Variants in FOXJ3 observed in about 807,000 individuals in gnomAD.
The protein encoded by FOXJ3 is forkhead box J3.
Under a neutral mutation model 76.1 loss-of-function variants are expected in FOXJ3, and 22 were observed. The ratio of observed to expected loss-of-function variants is 0.29; its 90% CI spans 0.21 to 0.41. The LOEUF (loss-of-function observed/expected upper bound fraction) is 0.41. Among genes scored for constraint, FOXJ3 ranks in the 10% least tolerant of loss-of-function variants. The probability of loss-of-function intolerance (pLI) is 1.00; values close to 1 mark genes in which losing one functional copy is unlikely to be tolerated. For synonymous variants in FOXJ3, 269 were observed against 261.2 expected, an observed-to-expected ratio of 1.03 and a Z score of -0.29; for missense variants, 613 against 762.1, an observed-to-expected ratio of 0.80 and a Z score of 2.30.
At chr1:42,279,661 T>C in intron 2 of FOXJ3, among the ~76,000 whole-genome samples, 1 of 152,148 alleles carries the variant, frequency 6.6e-6, no homozygotes, top group East Asian at 1.9e-4. Context: ...GGCTTGACAC[T>C]TCACATTGGA....
intron 4 of FOXJ3, among the ~76,000 whole-genome samples, chr1:42,237,823 T>C (rs868552679): frequency 1.3e-5 from 2 of 151,976 alleles, no homozygotes; most frequent in South Asian, 2.1e-4. Context: ...TAAGGAGCAA[T>C]ATTAATTTTT....
At chr1:42,183,319 AGGGGAGGGGAGGGGAGG>A (rs1646365745) in intron 11 of FOXJ3, among the ~76,000 whole-genome samples, 1 of 124 alleles carries the variant, frequency 8.1e-3, no homozygotes, top group Non-Finnish European at 0.019. Context: ...GGGGGAGGGG[AGGGGAGGGGAGGGGAGG>A]GGAGGGGAGG....
chr1:42,257,266 A>G (rs1650666525), intron 4 of FOXJ3, among the ~76,000 whole-genome samples: 1 of 152,246 alleles, frequency 6.6e-6, no homozygotes, highest in Non-Finnish European at 1.5e-5. Context: ...TTTTCCAAAA[A>G]TCAATCAAGA....
At chr1:42,283,046 G>T (rs1040012820) in intron 2 of FOXJ3, among the ~76,000 whole-genome samples, 5 of 152,174 alleles carry the variant, frequency 3.3e-5, no homozygotes, top group African/African-American at 1.2e-4. Flanking sequence ...GGTACTCATA[G>T]GTTTGAAGTC....
intron 8 of FOXJ3, among the ~76,000 whole-genome samples, chr1:42,194,091 A>G (rs1344297841): frequency 6.6e-6 from 1 of 152,214 alleles, no homozygotes; most frequent in Non-Finnish European, 1.5e-5. Flanking sequence ...GTTGTTTATA[A>G]ATTACCCATT....
rs566491945 is a variant in FOXJ3 at position 42,236,915 on chromosome 1, T to G, written c.445-8949A>C. Reference sequence around the variant, plus strand: ...TTCTCTAACAAAGATGCTGTACATCTTTGCATGTACTTATTTGCCACCCAT... The same window carrying G: ...TTCTCTAACAAAGATGCTGTACATCGTTGCATGTACTTATTTGCCACCCAT... On this transcript the variant is annotated intron_variant, in intron 4 of 12. Coordinates refer to ENST00000361346, the MANE Select transcript of FOXJ3 (RefSeq NM_014947.5). Among the ~76,000 whole-genome samples the G allele has an allele frequency of 2.6e-5, 4 of 152,374 alleles. No individual in the cohort carries two copies. In the South Asian group the frequency reaches 8.3e-4, roughly 32 times the overall value.
intron 2 of FOXJ3, among the ~76,000 whole-genome samples, chr1:42,298,641 A>G (rs1171637319): frequency 6.6e-6 from 1 of 151,326 alleles, no homozygotes; most frequent in Non-Finnish European, 1.5e-5. Context: ...CCTTTGTATC[A>G]TTTTTTTATC....
intron 4 of FOXJ3, among the ~76,000 whole-genome samples, chr1:42,251,536 T>C (rs915802474): frequency 6.6e-6 from 1 of 152,080 alleles, no homozygotes; most frequent in Non-Finnish European, 1.5e-5. Context: ...TCAAAGGCCT[T>C]TTCTGCATCT....
chr1:42,205,691 T>A, intron 6 of FOXJ3, 71 bp downstream of exon 6: 1 of 872,214 alleles, frequency 1.1e-6, no homozygotes, highest in Non-Finnish European at 1.9e-6. Flanking sequence ...TAGGATTCTA[T>A]CATTATTACA....
intron 2 of FOXJ3, among the ~76,000 whole-genome samples, chr1:42,288,990 C>T (rs1366069667): frequency 1.3e-5 from 2 of 151,986 alleles, no homozygotes; most frequent in Non-Finnish European, 2.9e-5. Flanking sequence ...CTGTACACTA[C>T]GGAGACTTTT....
Position 42,179,428 on chromosome 1 carries a change from T to A in FOXJ3, c.*282A>T, listed in dbSNP as rs1458507190. The A allele has an allele frequency of 9.3e-6, 2 of 213,922 alleles. No homozygotes were observed. Among genetic ancestry groups the A allele is most frequent in the Non-Finnish European group, 9.3e-6 (1 of 107,622 alleles). 13.3% of individuals were successfully genotyped at this position (213,922 alleles called of 1,614,324 possible). A position where few individuals can be genotyped will look rare whatever the true frequency, so the allele number is the denominator to read the frequency against. ...GAAAAATCAGTCTGGCACTTGTGGT[T>A]AACATCAAACTGACACAAATATGCA... On this transcript the variant is annotated 3_prime_UTR_variant, in exon 13 of 13. Transcript: ENST00000361346.
chr1:42,204,355 A>C (rs1646820465), intron 6 of FOXJ3, among the ~76,000 whole-genome samples: 1 of 152,026 alleles, frequency 6.6e-6, no homozygotes. Flanking sequence ...CAGAAAGGTT[A>C]ATCTAATACC....
chr1:42,204,784 A>T (rs973146292), intron 6 of FOXJ3, among the ~76,000 whole-genome samples: 5 of 151,996 alleles, frequency 3.3e-5, no homozygotes, highest in African/African-American at 1.2e-4. Flanking sequence ...TGTGGGAAGA[A>T]TCATTCCTCT....
At chr1:42,316,837 A>C (rs962178351) in intron 1 of FOXJ3, among the ~76,000 whole-genome samples, 3 of 152,172 alleles carry the variant, frequency 2.0e-5, no homozygotes, top group Non-Finnish European at 4.4e-5. Context: ...ATGCAAAGGC[A>C]TAAGAATGAT....
intron 6 of FOXJ3, among the ~76,000 whole-genome samples, chr1:42,205,145 A>G (rs1179708835): frequency 6.6e-6 from 1 of 152,168 alleles, no homozygotes; most frequent in Non-Finnish European, 1.5e-5. Context: ...AACCTCCCAG[A>G]GTCTTTTTAG....
At chr1:42,327,351 A>G (rs552059686) in intron 1 of FOXJ3, among the ~76,000 whole-genome samples, 1 of 152,182 alleles carries the variant, frequency 6.6e-6, no homozygotes, top group Non-Finnish European at 1.5e-5. Context: ...AGTCTGCTCC[A>G]TCCTCATTCA....
intron 2 of FOXJ3, among the ~76,000 whole-genome samples, chr1:42,280,761 T>C (rs921896767): frequency 6.6e-6 from 1 of 152,172 alleles, no homozygotes; most frequent in Non-Finnish European, 1.5e-5. Context: ...AAAATTTAAA[T>C]AGTTCCCACC....
chr1:42,248,586 TA>T lies in FOXJ3; in HGVS notation c.444+16528del, dbSNP rs1053904171. ...TTATGGTATGTAAATTTTTTCTCAA[TA>T]AAAAACATTTTTTTGATCTAAGAGA... is the stretch of plus-strand genomic sequence containing the variant. On this transcript the variant is annotated intron_variant, in intron 4 of 12. Coordinates refer to ENST00000361346, the MANE Select transcript of FOXJ3 (RefSeq NM_014947.5). 4.6e-5 allele frequency among the ~76,000 whole-genome samples: 7 copies of T among 150,766 alleles called. No homozygotes were observed. The South Asian group carries it at 6.3e-4, about 14-fold the overall frequency.
At chr1:42,324,144 T>TAC (rs1430301143) in intron 1 of FOXJ3, among the ~76,000 whole-genome samples, 7 of 79,390 alleles carry the variant, frequency 8.8e-5, no homozygotes, top group African/African-American at 1.8e-4. Flanking sequence ...ACAGTATATA[T>TAC]ACTATATATA....
Sources: gnomAD v4.1 joint callset for allele counts (sites outside exome capture counted in the v4.1 genomes callset) on GRCh38, gnomAD v4.1.1 for gene constraint, MANE v1.5 for transcripts, NCBI Gene and HGNC (gene_info 2026-07-23, HGNC 2026-07-21) for gene names.